Variants in DIAPH3 observed in about 807,000 individuals in gnomAD.
The protein encoded by DIAPH3 is protein diaphanous homolog 3.
DIAPH3 carries 117 observed loss-of-function variants against 144.3 expected under a neutral mutation model. The ratio of observed to expected loss-of-function variants is 0.81; its 90% CI spans 0.70 to 0.95. The LOEUF (loss-of-function observed/expected upper bound fraction) is 0.95. Ranked by LOEUF, DIAPH3 falls within the 40% of genes least tolerant of loss-of-function variation. The probability of loss-of-function intolerance (pLI) is 0.00; values close to 1 mark genes in which losing one functional copy is unlikely to be tolerated. For synonymous variants in DIAPH3, 519 were observed against 488.9 expected (o/e 1.06, Z -0.81); for missense variants, 1,421 against 1,412.7 (o/e 1.01, Z -0.09).
intron 25 of DIAPH3, among the ~76,000 whole-genome samples, chr13:59,780,903 C>T (rs1046735072): frequency 1.3e-5 from 2 of 152,016 alleles, no homozygotes; most frequent in African/African-American, 4.8e-5. Context: ...CAAATTCAGA[C>T]AAAAATGTGG....
At chr13:59,774,374 C>T (rs1349792750) in intron 26 of DIAPH3, 126 bp from the exon 27 acceptor site, 1 of 760,166 alleles carries the variant, frequency 1.3e-6, no homozygotes, top group Non-Finnish European at 2.2e-6. Flanking sequence ...CTTCAATATC[C>T]TGAAATACTT....
chr13:60,014,596 T>C (rs1594340954), intron 7 of DIAPH3, among the ~76,000 whole-genome samples: 1 of 152,038 alleles, frequency 6.6e-6, no homozygotes, highest in African/African-American at 2.4e-5. Flanking sequence ...AAAATAAATA[T>C]AAAATAAATC....
chr13:59,698,471 A>G (rs568080280), intron 27 of DIAPH3, among the ~76,000 whole-genome samples: 3 of 152,314 alleles, frequency 2.0e-5, no homozygotes, highest in South Asian at 4.1e-4. Context: ...AACCTGCTAC[A>G]TTTGAAAATC....
intron 21 of DIAPH3, among the ~76,000 whole-genome samples, chr13:59,873,400 T>G (rs2044399154): frequency 6.6e-6 from 1 of 152,164 alleles, no homozygotes; most frequent in Non-Finnish European, 1.5e-5. Flanking sequence ...CAAAAACGAC[T>G]CACAGTGTTA....
chr13:59,900,016 A>C (rs2046342925), intron 20 of DIAPH3, among the ~76,000 whole-genome samples: 1 of 152,204 alleles, frequency 6.6e-6, no homozygotes, highest in Non-Finnish European at 1.5e-5. Context: ...AGGGAAAAAG[A>C]GTAACAAAAG....
chr13:59,810,648 G>GA (rs1216737718), intron 25 of DIAPH3, 140 bp downstream of exon 25: 16 of 935,790 alleles, frequency 1.7e-5, no homozygotes, highest in African/African-American at 1.7e-4. Context: ...AGACCATAAA[G>GA]AAAGAATTGT....
chr13:59,992,582 AC>A lies in DIAPH3; in HGVS notation c.1015del (p.Val339Ter). The A allele has an allele frequency of 6.2e-7, 1 of 1,610,404 alleles. No homozygotes were observed. The highest frequency in any genetic ancestry group is 1.1e-5 in the South Asian group (1 of 90,902). The stretch of plus-strand genomic sequence containing the variant: ...GGCATTGATGAGCTGCATACAAGCT[AC>A]CTACAAGAGATCAAACAGTGAGACA... ...GLRHNSVQLQ[V>X]ACMQLINALV... On this transcript the variant is annotated frameshift_variant and splice_region_variant, in exon 10 of 28. Transcript: ENST00000400324. LOFTEE classifies it high-confidence loss of function.
At chr13:59,700,787 T>G (rs1289206510) in intron 27 of DIAPH3, among the ~76,000 whole-genome samples, 1 of 152,212 alleles carries the variant, frequency 6.6e-6, no homozygotes, top group African/African-American at 2.4e-5. Context: ...GTCTTTATGC[T>G]GAATAATAAA....
Position 59,870,670 on chromosome 13 carries a change from T to G in DIAPH3, c.2607+8559A>C, listed in dbSNP as rs568984094. Among the ~76,000 whole-genome samples the G allele has an allele frequency of 5.3e-5, 8 of 151,302 alleles. No individual in the cohort carries two copies. In the South Asian group the frequency reaches 6.3e-4, roughly 12 times the overall value. On this transcript the variant is annotated intron_variant, in intron 21 of 27. Transcript: ENST00000400324. ...TTTTTCAAAGTTTTGTAGGTGTTTT[T>G]TTTTTTTTTTTAAATTTGAGATGGA...
At chr13:59,801,418 A>T (rs2039893965) in intron 25 of DIAPH3, among the ~76,000 whole-genome samples, 2 of 152,366 alleles carry the variant, frequency 1.3e-5, no homozygotes, top group African/African-American at 4.8e-5. Flanking sequence ...GAAAGCTAGT[A>T]ATAGAACCTC....
chr13:59,853,673 GCT>G (rs759704775), intron 22 of DIAPH3, among the ~76,000 whole-genome samples: 2 of 152,152 alleles, frequency 1.3e-5, no homozygotes, highest in African/African-American at 2.4e-5. Context: ...GTCTCAGGTA[GCT>G]CTTTGTAACT....
chr13:60,109,020 A>G (rs1175374724), intron 3 of DIAPH3, among the ~76,000 whole-genome samples: 2 of 152,196 alleles, frequency 1.3e-5, no homozygotes, highest in Non-Finnish European at 2.9e-5. Flanking sequence ...GTCACAATAT[A>G]AAAGATATTC....
chr13:59,946,134 T>C (rs973635033), intron 17 of DIAPH3, among the ~76,000 whole-genome samples: 18 of 152,156 alleles, frequency 1.2e-4, no homozygotes, highest in African/African-American at 4.1e-4. Flanking sequence ...CGCTCAGATT[T>C]TTTTCATCTA....
At chr13:59,891,304 A>T (rs2045779998) in intron 20 of DIAPH3, among the ~76,000 whole-genome samples, 1 of 152,106 alleles carries the variant, frequency 6.6e-6, no homozygotes, top group Non-Finnish European at 1.5e-5. Flanking sequence ...GCTGGTAATT[A>T]GTATGTGACT....
At chr13:59,923,339 T>C (rs964091772) in intron 18 of DIAPH3, among the ~76,000 whole-genome samples, 9 of 152,156 alleles carry the variant, frequency 5.9e-5, no homozygotes, top group Non-Finnish European at 1.2e-4. Flanking sequence ...TACGGAACTT[T>C]CTGACATTAT....
At position 60,037,418 on chromosome 13, in the gene DIAPH3, C is replaced by T. The variant is rs376334995; in HGVS notation, c.626+5272G>A. 1.3e-4 allele frequency among the ~76,000 whole-genome samples: 19 copies of T among 151,788 alleles called. No homozygotes were observed. In the East Asian group the frequency reaches 1.7e-3, roughly 14 times the overall value. ...TGAAATTTCACTCAAAACTAGCATA[C>T]AAGTGAAAAAAGATTTTAAAGTATT... On this transcript the variant is annotated intron_variant, in intron 5 of 27. Coordinates refer to ENST00000400324, the MANE Select transcript of DIAPH3 (RefSeq NM_001042517.2).
At chr13:60,050,373 A>C (rs890824945) in intron 4 of DIAPH3, among the ~76,000 whole-genome samples, 2 of 152,216 alleles carry the variant, frequency 1.3e-5, no homozygotes, top group African/African-American at 4.8e-5. Context: ...AGTGAACACG[A>C]CAAGAGTTAC....
chr13:59,858,303 CTGGGGAAGAGCTAGA>C (rs2043373334), intron 22 of DIAPH3, among the ~76,000 whole-genome samples: 2 of 152,076 alleles, frequency 1.3e-5, no homozygotes, highest in Admixed American at 1.3e-4. Flanking sequence ...GAAGAGCCAG[CTGGGGAAGAGCTAGA>C]TGGGAGTGAG....
At chr13:59,843,727 T>C (rs944904176) in intron 22 of DIAPH3, among the ~76,000 whole-genome samples, 1 of 152,252 alleles carries the variant, frequency 6.6e-6, no homozygotes, top group African/African-American at 2.4e-5. Flanking sequence ...TAAGCAGATT[T>C]AAATGTAATT....
Sources: allele counts gnomAD v4.1 joint callset (sites outside exome capture counted in the v4.1 genomes callset), GRCh38; gene constraint gnomAD v4.1.1; transcripts MANE v1.5; gene names NCBI Gene and HGNC (gene_info 2026-07-23, HGNC 2026-07-21).